DNAJC1: variants seen among roughly 807,000 people sequenced by gnomAD.
DNAJC1 encodes the protein DnaJ heat shock protein family (Hsp40) member C1.
DNAJC1 carries 58 observed loss-of-function variants against 76.6 expected under a neutral mutation model. That is an observed-to-expected ratio of 0.76 (90% CI 0.61 to 0.94). The LOEUF (loss-of-function observed/expected upper bound fraction) is 0.94. DNAJC1 is among the 40% of genes least tolerant of loss of function. The probability of loss-of-function intolerance (pLI) is 0.00; values close to 1 mark genes in which losing one functional copy is unlikely to be tolerated. For synonymous variants in DNAJC1, 258 were observed against 267.9 expected, an observed-to-expected ratio of 0.96 and a Z score of 0.36; for missense variants, 689 against 677.3, an observed-to-expected ratio of 1.02 and a Z score of -0.19.
At chr10:21,835,109 G>T (rs1162458367) in intron 8 of DNAJC1, among the ~76,000 whole-genome samples, 1 of 152,022 alleles carries the variant, frequency 6.6e-6, no homozygotes, top group African/African-American at 2.4e-5. Context: ...CACACAGCCG[G>T]GTACTCCTCT....
intron 6 of DNAJC1, among the ~76,000 whole-genome samples, chr10:21,918,517 C>A (rs1030011021): frequency 1.3e-5 from 2 of 151,220 alleles, no homozygotes; most frequent in Non-Finnish European, 3.0e-5. Flanking sequence ...TATCTCTGTA[C>A]TAAAGATAGT....
chr10:21,846,852 C>A (rs533795004), intron 8 of DNAJC1, among the ~76,000 whole-genome samples: 2 of 149,326 alleles, frequency 1.3e-5, no homozygotes, highest in East Asian at 2.0e-4. Context: ...ATTTCCATAT[C>A]AAAGATGAAA....
chr10:21,805,439 GACACACACACACACACACACACAC>G (rs10657199), intron 9 of DNAJC1, among the ~76,000 whole-genome samples: 2 of 142,746 alleles, frequency 1.4e-5, no homozygotes, highest in African/African-American at 2.6e-5. Context: ...GTTACGTATG[GACACACACACACACACACACACAC>G]ACACACACAC....
At chr10:21,869,725 C>A (rs1590023752) in intron 8 of DNAJC1, among the ~76,000 whole-genome samples, 1 of 152,022 alleles carries the variant, frequency 6.6e-6, no homozygotes. Flanking sequence ...TTCTATACCT[C>A]GTTTGGAGAA....
At chr10:21,944,030 T>G (rs959471618) in intron 1 of DNAJC1, among the ~76,000 whole-genome samples, 1 of 152,136 alleles carries the variant, frequency 6.6e-6, no homozygotes, top group Non-Finnish European at 1.5e-5. Context: ...ATTGGCCAAA[T>G]CTACCTTATA....
intron 8 of DNAJC1, among the ~76,000 whole-genome samples, chr10:21,830,469 T>C (rs1835338040): frequency 6.6e-6 from 1 of 152,222 alleles, no homozygotes; most frequent in Non-Finnish European, 1.5e-5. Context: ...ATTGGTAGTA[T>C]AACTGGCGTT....
chr10:21,973,737 T>C (rs1340231507), intron 1 of DNAJC1, among the ~76,000 whole-genome samples: 1 of 81,082 alleles, frequency 1.2e-5, no homozygotes, highest in Non-Finnish European at 3.0e-5. Context: ...GCTCACTACT[T>C]AAAAAAAAAA....
intron 7 of DNAJC1, among the ~76,000 whole-genome samples, chr10:21,894,697 T>C (rs927632623): frequency 6.6e-6 from 1 of 152,218 alleles, no homozygotes; most frequent in African/African-American, 2.4e-5. Context: ...TGAACGTTTG[T>C]GTCCCCTCCA....
chr10:21,991,791 T>G (rs1305069716), intron 1 of DNAJC1, among the ~76,000 whole-genome samples: 1 of 152,216 alleles, frequency 6.6e-6, no homozygotes, highest in African/African-American at 2.4e-5. Flanking sequence ...TAATTTATAT[T>G]TAAATTGAAA....
Position 21,813,171 on chromosome 10 carries a change from TCTCC to T in DNAJC1, c.979-7076_979-7073del, listed in dbSNP as rs1564794726. 1.5e-3 allele frequency among the ~76,000 whole-genome samples: 92 copies of T among 62,014 alleles called. 2 individuals are homozygous for T. Among genetic ancestry groups the T allele is most frequent in the African/African-American group, 2.5e-3 (32 of 12,892 alleles). 40.7% of individuals were successfully genotyped at this position (62,014 alleles called of 152,430 possible). On this transcript the variant is annotated intron_variant, in intron 8 of 11. Coordinates refer to ENST00000376980, the MANE Select transcript of DNAJC1 (RefSeq NM_022365.4). Reference sequence around the variant, plus strand: ...ACTTGTCTCTCTCTCTCTCTCTCTCTCTCCCTCTCTCTCTCTCTCTCTCTCTCTC... The same window carrying T: ...ACTTGTCTCTCTCTCTCTCTCTCTCTCTCTCTCTCTCTCTCTCTCTCTCTC...
At chr10:21,934,854 G>A (rs188954495) in intron 1 of DNAJC1, among the ~76,000 whole-genome samples, 1 of 152,256 alleles carries the variant, frequency 6.6e-6, no homozygotes, top group East Asian at 1.9e-4. Flanking sequence ...GGCTCCAACT[G>A]TTAAGAAAAT....
chr10:21,923,293 T>C (rs753043833), intron 3 of DNAJC1, among the ~76,000 whole-genome samples: 11 of 151,966 alleles, frequency 7.2e-5, no homozygotes, highest in Non-Finnish European at 1.3e-4. Flanking sequence ...TTATAGTTCA[T>C]TTTTTAGAAT....
chr10:21,849,639 C>G (rs1835719631), intron 8 of DNAJC1, among the ~76,000 whole-genome samples: 1 of 151,818 alleles, frequency 6.6e-6, no homozygotes, highest in African/African-American at 2.4e-5. Context: ...CACTGATTTC[C>G]AAGTCTGACA....
intron 8 of DNAJC1, among the ~76,000 whole-genome samples, chr10:21,851,467 C>A (rs1835751072): frequency 2.0e-5 from 3 of 152,024 alleles, no homozygotes; most frequent in Admixed American, 2.0e-4. Flanking sequence ...ATCACAACCA[C>A]AACAAAAGTG....
intron 1 of DNAJC1, among the ~76,000 whole-genome samples, chr10:21,963,283 G>T (rs57514919): frequency 6.6e-6 from 1 of 152,060 alleles, no homozygotes; most frequent in Non-Finnish European, 1.5e-5. Flanking sequence ...AACTTACCAA[G>T]GTTTTCACCA....
chr10:22,002,009 C>T (rs1352373960), intron 1 of DNAJC1, among the ~76,000 whole-genome samples: 1 of 152,170 alleles, frequency 6.6e-6, no homozygotes. Flanking sequence ...TACTTTATAA[C>T]TCTTACAAAA....
At chr10:21,781,135 C>A (rs1426595362) in intron 9 of DNAJC1, among the ~76,000 whole-genome samples, 2 of 152,124 alleles carry the variant, frequency 1.3e-5, no homozygotes, top group African/African-American at 2.4e-5. Context: ...GACTGACACA[C>A]AATAGTAATG....
chr10:21,799,153 G>A (rs1290683521), intron 9 of DNAJC1, among the ~76,000 whole-genome samples: 2 of 152,138 alleles, frequency 1.3e-5, no homozygotes, highest in African/African-American at 4.8e-5. Context: ...ACATAATTAT[G>A]ACCTGGTAAA....
intron 1 of DNAJC1, among the ~76,000 whole-genome samples, chr10:21,939,943 CAAAAA>C (rs374955734): frequency 5.7e-5 from 4 of 70,378 alleles, no homozygotes; most frequent in African/African-American, 1.2e-4. Context: ...AAACCTCTCT[CAAAAA>C]AAAAAAAAAA....
Sources: allele counts gnomAD v4.1 joint callset (sites outside exome capture counted in the v4.1 genomes callset), GRCh38; gene constraint gnomAD v4.1.1; transcripts MANE v1.5; gene names NCBI Gene and HGNC (gene_info 2026-07-23, HGNC 2026-07-21).